The following SLC35F1 variants were observed in gnomAD, a reference collection of about 807,000 sequenced individuals.
SLC35F1 encodes the protein chromosome 6 open reading frame 169.
A neutral mutation model predicts 48.7 loss-of-function variants in SLC35F1; 14 were observed. The observed-to-expected ratio is 0.29, with a 90% CI of 0.19 to 0.45. The LOEUF (loss-of-function observed/expected upper bound fraction) is 0.45, where lower values mean the gene tolerates loss of function less well. Among genes scored for constraint, SLC35F1 ranks in the 20% least tolerant of loss-of-function variants. The pLI is 1.00. For missense variants in SLC35F1, 404 were observed against 500.0 expected, an observed-to-expected ratio of 0.81 and a Z score of 1.83; for synonymous variants, 190 against 202.2, an observed-to-expected ratio of 0.94 and a Z score of 0.51.
At chr6:117,923,679 A>ACATGTACATATACACATATACATATG (rs1775952240) in intron 1 of SLC35F1, among the ~76,000 whole-genome samples, 1 of 47,952 alleles carries the variant, frequency 2.1e-5, no homozygotes, top group South Asian at 1.0e-3. Flanking sequence ...ATATATGTAC[A>ACATGTACATATACACATATACATATG]TATATACATA....
In SLC35F1 at chr6:118,154,514, C is replaced by G. The variant is rs765873249; in HGVS notation, c.243C>G (p.Ser81Arg). ...TTATTTGTGGAATTGGCTTGACTAG[C>G]AAGTATCTGTCAGAAGATTTCCACG... ...SLLICGIGLT[S>R]KYLSEDFHAN... is the part of the protein sequence containing the mutation. The change falls in exon 2 of 8, where the codon AGC becomes AGG. Residue 81 changes from serine to arginine, a missense_variant. Ser to Arg is a moderately radical substitution (Grantham distance 110). Transcript: ENST00000360388. 1 of 1,613,974 alleles carries G rather than the reference C, an allele frequency of 6.2e-7. No individual in the cohort carries two copies. The highest frequency in any genetic ancestry group is 1.7e-5 in the Admixed American group (1 of 60,018).
rs187346182 is a variant in SLC35F1 at position 118,191,336 on chromosome 6, T to G, written c.349+36716T>G. ...GTGGGATACAAAAGTATCCCATAAG[T>G]GCACACAACAGACCCCCTATTCATT... is the stretch of plus-strand genomic sequence containing the variant. On this transcript the variant is annotated intron_variant, in intron 2 of 7. Transcript: ENST00000360388. Among the ~76,000 whole-genome samples the G allele has an allele frequency of 1.4e-4, 21 of 152,286 alleles. No homozygotes were observed. In the East Asian group the frequency reaches 3.9e-3, roughly 28 times the overall value.
At chr6:118,143,628 T>A (rs925694007) in intron 1 of SLC35F1, among the ~76,000 whole-genome samples, 2 of 152,176 alleles carry the variant, frequency 1.3e-5, no homozygotes, top group African/African-American at 4.8e-5. Context: ...GTTAACAATA[T>A]TTTTTCTAGT....
intron 2 of SLC35F1, among the ~76,000 whole-genome samples, chr6:118,200,319 A>G (rs1774858756): frequency 6.6e-6 from 1 of 152,172 alleles, no homozygotes; most frequent in Non-Finnish European, 1.5e-5. Flanking sequence ...TGAATATAGT[A>G]TGGACAACTG....
intron 6 of SLC35F1, among the ~76,000 whole-genome samples, chr6:118,279,372 G>T (rs1030415054): frequency 6.6e-6 from 1 of 152,168 alleles, no homozygotes; most frequent in Non-Finnish European, 1.5e-5. Flanking sequence ...TTGCGTTTGG[G>T]ATGTGTTTAC....
chr6:118,068,604 G>C (rs1456539293), intron 1 of SLC35F1, among the ~76,000 whole-genome samples: 1 of 152,192 alleles, frequency 6.6e-6, no homozygotes, highest in Non-Finnish European at 1.5e-5. Flanking sequence ...CTTAGTGGAA[G>C]AAAAGTTGAG....
At chr6:118,312,672 GA>G (rs924777268) in intron 7 of SLC35F1, among the ~76,000 whole-genome samples, 9 of 151,972 alleles carry the variant, frequency 5.9e-5, no homozygotes, top group Non-Finnish European at 1.3e-4. Flanking sequence ...AAGAAAGAAA[GA>G]AAAAAACGCT....
chr6:118,006,162 A>G (rs1193799503), intron 1 of SLC35F1, among the ~76,000 whole-genome samples: 4 of 152,096 alleles, frequency 2.6e-5, no homozygotes, highest in African/African-American at 9.7e-5. Context: ...GTTTGTTTTT[A>G]GGATATTGCT....
intron 1 of SLC35F1, among the ~76,000 whole-genome samples, chr6:117,951,717 G>C (rs1202564329): frequency 1.3e-5 from 2 of 152,290 alleles, no homozygotes; most frequent in East Asian, 1.9e-4. Context: ...TAAGAGACTG[G>C]GGAAAGAGCC....
intron 1 of SLC35F1, among the ~76,000 whole-genome samples, chr6:118,014,908 G>T (rs1402208975): frequency 6.6e-6 from 1 of 152,138 alleles, no homozygotes; most frequent in Non-Finnish European, 1.5e-5. Context: ...ATATGGTTTG[G>T]CTGTGTCCCC....
chr6:118,267,755 G>A (rs62421488), intron 4 of SLC35F1, among the ~76,000 whole-genome samples: 1,927 of 152,250 alleles, frequency 0.013, 22 homozygotes, highest in Non-Finnish European at 0.017. Context: ...GGGGTTATTG[G>A]TATCAATTAG....
chr6:118,031,202 AT>A (rs1029086149), intron 1 of SLC35F1, among the ~76,000 whole-genome samples: 3 of 152,110 alleles, frequency 2.0e-5, no homozygotes, highest in South Asian at 2.1e-4. Context: ...CACTCTTAGT[AT>A]TTTTTTTAAA....
chr6:118,273,662 A>G (rs1775885816), intron 4 of SLC35F1, among the ~76,000 whole-genome samples: 1 of 152,190 alleles, frequency 6.6e-6, no homozygotes, highest in African/African-American at 2.4e-5. Context: ...AAGATTTCAC[A>G]TTCTGTCACA....
At position 117,954,784 on chromosome 6, in the gene SLC35F1, C is replaced by T. The variant is rs61126364; in HGVS notation, c.173+46885C>T. 9.9e-3 allele frequency among the ~76,000 whole-genome samples: 1,505 copies of T among 152,232 alleles called. 23 individuals are homozygous for T. The highest frequency in any genetic ancestry group is 0.031 in the African/African-American group (1,283 of 41,540). ...TTGCGTTCAGATGGTCTGATGGTGC[C>T]TAATCACAGGCTGTGTCCTTTGGTT... On this transcript the variant is annotated intron_variant, in intron 1 of 7. Transcript: ENST00000360388.
chr6:118,230,949 A>T (rs1775285005), intron 2 of SLC35F1, among the ~76,000 whole-genome samples: 1 of 152,174 alleles, frequency 6.6e-6, no homozygotes, highest in Admixed American at 6.5e-5. Context: ...AGACAGAGAG[A>T]GACCCTGTCT....
At chr6:118,138,612 C>A (rs1773833321) in intron 1 of SLC35F1, among the ~76,000 whole-genome samples, 1 of 152,142 alleles carries the variant, frequency 6.6e-6, no homozygotes, top group Admixed American at 6.5e-5. Flanking sequence ...GAAAAATAAT[C>A]TAATTTATGT....
At chr6:118,200,155 C>G (rs866783323) in intron 2 of SLC35F1, among the ~76,000 whole-genome samples, 1 of 132,674 alleles carries the variant, frequency 7.5e-6, no homozygotes, top group Non-Finnish European at 1.6e-5. Context: ...GACATACATA[C>G]ATATATACAT....
At chr6:117,914,826 C>G (rs1775807934) in intron 1 of SLC35F1, among the ~76,000 whole-genome samples, 1 of 151,976 alleles carries the variant, frequency 6.6e-6, no homozygotes, top group Non-Finnish European at 1.5e-5. Flanking sequence ...AATAAAATTA[C>G]TCAACGTCTA....
chr6:118,167,321 A>C (rs1774333213), intron 2 of SLC35F1, among the ~76,000 whole-genome samples: 1 of 152,152 alleles, frequency 6.6e-6, no homozygotes, highest in Non-Finnish European at 1.5e-5. Flanking sequence ...TAATATAGGG[A>C]TATCTTCTGA....
Sources: gnomAD v4.1 joint callset for allele counts (sites outside exome capture counted in the v4.1 genomes callset) on GRCh38, gnomAD v4.1.1 for gene constraint, MANE v1.5 for transcripts, NCBI Gene and HGNC (gene_info 2026-07-23, HGNC 2026-07-21) for gene names.